Variants in MYSM1 observed in about 807,000 individuals in gnomAD.
The protein encoded by MYSM1 is deubiquitinase MYSM1.
In MYSM1, 51 loss-of-function variants were observed where a neutral mutation model predicts 116.0. The ratio of observed to expected loss-of-function variants is 0.44; its 90% CI spans 0.35 to 0.56. The LOEUF (loss-of-function observed/expected upper bound fraction) is 0.56. Among genes scored for constraint, MYSM1 ranks in the 20% least tolerant of loss-of-function variants. The pLI is 0.00. For synonymous variants in MYSM1, 313 were observed against 315.2 expected (o/e 0.99, Z 0.07); for missense variants, 900 against 974.9 (o/e 0.92, Z 1.02).
At chr1:58,696,369 T>C (rs377109785) in intron 1 of MYSM1, among the ~76,000 whole-genome samples, 7 of 152,218 alleles carry the variant, frequency 4.6e-5, no homozygotes, top group African/African-American at 1.4e-4. Context: ...TGAATCTCCA[T>C]AGGTACCACA....
chr1:58,667,127 C>T lies in MYSM1; in HGVS notation c.1942G>A (p.Gly648Ser). The change falls in exon 16 of 20, where the codon GGC becomes AGC. Residue 648 changes from glycine (G) to serine (S), a missense_variant. Physicochemically the swap from Gly to Ser is moderately conservative, Grantham distance 56. Transcript: ENST00000472487. Reference protein sequence around the residue: ...TQASETLAVRGFSVIGWYHSH... With the variant: ...TQASETLAVRSFSVIGWYHSH... ...TGATACCATCCAATAACACTGAAGC[C>T]TCTAACAGCCAAGGTTTCTGAGGCC... The T allele has an allele frequency of 1.2e-6, 2 of 1,613,440 alleles. No homozygotes were observed. Among genetic ancestry groups the T allele is most frequent in the Non-Finnish European group, 1.7e-6 (2 of 1,179,640 alleles).
intron 17 of MYSM1, among the ~76,000 whole-genome samples, chr1:58,664,858 T>C (rs1447770446): frequency 6.6e-6 from 1 of 152,172 alleles, no homozygotes; most frequent in Admixed American, 6.5e-5. Context: ...AGAATAAATA[T>C]CCTAGAGTTA....
chr1:58,681,211 GGTTT>G (rs1259322521), intron 8 of MYSM1, among the ~76,000 whole-genome samples: 1 of 152,088 alleles, frequency 6.6e-6, no homozygotes, highest in East Asian at 1.9e-4. Flanking sequence ...GAAATTTTGG[GGTTT>G]GTTCCCTAAG....
rs370387735 is a variant in MYSM1, at chr1:58,694,150, ACT to A, written c.147+977_147+978del. 4.9e-3 allele frequency among the ~76,000 whole-genome samples: 745 copies of A among 152,266 alleles called. 11 individuals are homozygous for A. Among genetic ancestry groups the A allele is most frequent in the African/African-American group, 0.017 (696 of 41,536 alleles). On this transcript the variant is annotated intron_variant, in intron 2 of 19. Coordinates refer to ENST00000472487, the MANE Select transcript of MYSM1 (RefSeq NM_001085487.3). ...TCTAAACTAGGTTTCCCACTCTGGT[ACT>A]CTCATTCAGCATCTTGCTTATTTCC...
At chr1:58,695,298 G>A in intron 1 of MYSM1, 91 bp from the exon 2 acceptor site, 2 of 748,566 alleles carry the variant, frequency 2.7e-6, no homozygotes, top group South Asian at 1.6e-5. Context: ...AGGTAGTAAG[G>A]GAACTAAGCA....
chr1:58,659,606 TGGAA>T lies in MYSM1; in HGVS notation c.*387_*390del, dbSNP rs1259347535. ...ATCTCAGCAGAATATATGGAAAGAA[TGGAA>T]GTGCTTTTAAATGAAATAGGAGATA... is the stretch of plus-strand genomic sequence containing the variant. On this transcript the variant is annotated 3_prime_UTR_variant, in exon 20 of 20. Coordinates refer to ENST00000472487, the MANE Select transcript of MYSM1 (RefSeq NM_001085487.3). The T allele has an allele frequency of 2.6e-5, 4 of 153,996 alleles. No homozygotes were observed. The highest frequency in any genetic ancestry group is 5.8e-5 in the Non-Finnish European group (4 of 69,452). The allele number at this position is 153,996 out of a possible 1,614,324, so 9.5% of individuals were successfully genotyped here. A position where few individuals can be genotyped will look rare whatever the true frequency, so the allele number is the denominator to read the frequency against.
intron 16 of MYSM1, among the ~76,000 whole-genome samples, chr1:58,666,283 C>A (rs1644468108): frequency 6.6e-6 from 1 of 152,114 alleles, no homozygotes; most frequent in African/African-American, 2.4e-5. Context: ...TTTACAAATA[C>A]CCTACAGCAA....
At position 58,677,416 on chromosome 1, in the gene MYSM1, G is replaced by A. The variant is rs377353583; in HGVS notation, c.1260-360C>T. On this transcript the variant is annotated intron_variant, in intron 8 of 19. Coordinates refer to ENST00000472487, the MANE Select transcript of MYSM1 (RefSeq NM_001085487.3). Reference sequence around the variant, plus strand: ...AATATATAGAAAAGATTTAGTATTAGACGTTTCCAATTTGTAATATATTAC... The same window carrying A: ...AATATATAGAAAAGATTTAGTATTAAACGTTTCCAATTTGTAATATATTAC... Among the ~76,000 whole-genome samples the A allele has an allele frequency of 2.6e-5, 4 of 152,186 alleles. No individual in the cohort carries two copies. The South Asian group carries it at 8.3e-4, about 32-fold the overall frequency.
At chr1:58,677,791 A>C (rs111949243) in intron 8 of MYSM1, among the ~76,000 whole-genome samples, 49 of 152,272 alleles carry the variant, frequency 3.2e-4, no homozygotes, top group African/African-American at 1.2e-3. Context: ...ACACATCCTT[A>C]ATCTTTACAA....
At chr1:58,686,822 G>A (rs1234493650) in intron 6 of MYSM1, among the ~76,000 whole-genome samples, 1 of 151,890 alleles carries the variant, frequency 6.6e-6, no homozygotes, top group African/African-American at 2.4e-5. Context: ...AGAAAAATTG[G>A]GGAAAGAACA....
intron 8 of MYSM1, among the ~76,000 whole-genome samples, chr1:58,677,889 G>C (rs890068617): frequency 6.6e-6 from 1 of 152,050 alleles, no homozygotes; most frequent in African/African-American, 2.4e-5. Context: ...TTAAGGAAGG[G>C]ACATAATCAG....
intron 1 of MYSM1, among the ~76,000 whole-genome samples, chr1:58,697,476 G>A (rs1644992111): frequency 6.6e-6 from 1 of 152,124 alleles, no homozygotes; most frequent in Admixed American, 6.5e-5. Context: ...AAGAGGGACA[G>A]TGTGGTCAGT....
At chr1:58,696,891 T>A (rs1644982531) in intron 1 of MYSM1, among the ~76,000 whole-genome samples, 1 of 152,152 alleles carries the variant, frequency 6.6e-6, no homozygotes, top group African/African-American at 2.4e-5. Context: ...AGTTAAAGAA[T>A]GAGGATTTTA....
intron 10 of MYSM1, 64 bp downstream of exon 10, chr1:58,675,413 G>A (rs564300520): frequency 7.4e-6 from 9 of 1,219,562 alleles, no homozygotes; most frequent in African/African-American, 4.5e-5. Context: ...AGGTAAGTAC[G>A]TAAACCACAC....
At chr1:58,695,310 ATACT>A (rs5774423) in intron 1 of MYSM1, 103 bp from the exon 2 acceptor site, 254,108 of 648,364 alleles carry the variant, frequency 0.39, 51,045 homozygotes, top group Middle Eastern at 0.5. Context: ...AACTAAGCAA[ATACT>A]TAGTTCCCTT....
chr1:58,668,504 G>T, intron 14 of MYSM1, 128 bp downstream of exon 14: 1 of 1,367,218 alleles, frequency 7.3e-7, no homozygotes, highest in South Asian at 2.0e-5. Flanking sequence ...CTTATTTTTA[G>T]ATTCCTTGTA....
At chr1:58,669,171 C>T in intron 12 of MYSM1, 133 bp from the exon 13 acceptor site, 1 of 616,828 alleles carries the variant, frequency 1.6e-6, no homozygotes, top group Non-Finnish European at 2.7e-6. Context: ...GTAGGAAATT[C>T]CATAAACCCT....
chr1:58,682,179 G>C lies in MYSM1; in HGVS notation c.865C>G (p.Leu289Val). 1 of 1,612,800 alleles carries C rather than the reference G, an allele frequency of 6.2e-7. No homozygotes were observed. The highest frequency in any genetic ancestry group is 2.2e-5 in the East Asian group (1 of 44,840). ...CACAGTGTAATTTCTGAGCTTGAAA[G>C]TGTTTCATCTTGCTTTTCATTTTGA... ...CLQNEKQDET[L>V]SSSEITLWTE... is the part of the protein sequence containing the mutation. The change falls in exon 8 of 20, where the codon CTT (leucine) becomes GTT (valine). Residue 289 changes from leucine to valine, a missense_variant. Leu to Val is a conservative substitution (Grantham distance 32). Transcript: ENST00000472487.
intron 10 of MYSM1, among the ~76,000 whole-genome samples, chr1:58,674,637 T>C (rs1009156940): frequency 1.3e-5 from 2 of 152,128 alleles, no homozygotes; most frequent in African/African-American, 4.8e-5. Flanking sequence ...ATAAAGAGTG[T>C]TGGATCGGCT....
Sources: gnomAD v4.1 joint callset for allele counts (sites outside exome capture counted in the v4.1 genomes callset) on GRCh38, gnomAD v4.1.1 for gene constraint, MANE v1.5 for transcripts, NCBI Gene and HGNC (gene_info 2026-07-23, HGNC 2026-07-21) for gene names.